Variants in TNR observed in about 807,000 individuals in gnomAD.
TNR encodes tenascin R, also known as tenascin-R.
Under a neutral mutation model 150.4 loss-of-function variants are expected in TNR, and 45 were observed. The ratio of observed to expected loss-of-function variants is 0.30; its 90% CI spans 0.24 to 0.38. The LOEUF is 0.38. Ranked by LOEUF, TNR falls within the 10% of genes least tolerant of loss-of-function variation. The probability of loss-of-function intolerance (pLI) is 1.00; values close to 1 mark genes in which losing one functional copy is unlikely to be tolerated. For synonymous variants in TNR, 687 were observed against 678.4 expected (o/e 1.01, Z -0.20); for missense variants, 1,544 against 1,759.1 (o/e 0.88, Z 2.19).
At chr1:175,387,809 C>A (rs536353898) in intron 7 of TNR, among the ~76,000 whole-genome samples, 131 of 152,326 alleles carry the variant, frequency 8.6e-4, no homozygotes, top group African/African-American at 3.0e-3. Flanking sequence ...TTAGGCTGAC[C>A]TTGAGGCTTT....
intron 5 of TNR, 126 bp from the exon 6 acceptor site, chr1:175,394,021 A>C (rs1557904845): frequency 4.1e-6 from 3 of 728,456 alleles, no homozygotes; most frequent in Admixed American, 4.9e-5. Context: ...GGACAATCCC[A>C]ATCTTGCTCC....
intron 2 of TNR, among the ~76,000 whole-genome samples, chr1:175,523,672 G>A (rs1474725914): frequency 6.6e-6 from 1 of 152,100 alleles, no homozygotes; most frequent in African/African-American, 2.4e-5. Flanking sequence ...TTTGGTTGAG[G>A]TCTGTATCAC....
chr1:175,690,842 G>C (rs1666340012), intron 1 of TNR, among the ~76,000 whole-genome samples: 1 of 152,138 alleles, frequency 6.6e-6, no homozygotes, highest in Non-Finnish European at 1.5e-5. Flanking sequence ...TGAAGGAGGA[G>C]AGAAGATTGA....
At chr1:175,711,943 T>C (rs1259452914) in intron 1 of TNR, among the ~76,000 whole-genome samples, 1 of 152,206 alleles carries the variant, frequency 6.6e-6, no homozygotes, top group East Asian at 1.9e-4. Flanking sequence ...GAAAATGCTG[T>C]GTGGCCAGTT....
chr1:175,636,991 C>T (rs1441143534), intron 1 of TNR, among the ~76,000 whole-genome samples: 1 of 152,220 alleles, frequency 6.6e-6, no homozygotes, highest in African/African-American at 2.4e-5. Context: ...ATGGATCTTA[C>T]AGATTTGATT....
rs371035988 is a variant in TNR at position 175,403,416 on chromosome 1, G to A, written c.700C>T (p.Arg234Trp). 243 of 1,614,076 alleles carry A rather than the reference G, an allele frequency of 1.5e-4. No homozygotes were observed. The highest frequency in any genetic ancestry group is 1.9e-4 in the Non-Finnish European group (228 of 1,180,048). Residue 234 changes from arginine to tryptophan, a missense_variant, in exon 4 of 23, where the codon CGG becomes TGG. By Grantham distance (101) the Arg-to-Trp change is moderately radical. Transcript: ENST00000367674. ...EYSGDDCSEL[R>W]CPTDCSSRGL... is the part of the protein sequence containing the mutation. ...CGGGAGCTGCAGTCTGTTGGGCACC[G>A]GAGTTCGGAACAGTCATCCCCGCTG... is the stretch of plus-strand genomic sequence containing the variant.
At chr1:175,583,532 C>A (rs1443211641) in intron 1 of TNR, among the ~76,000 whole-genome samples, 2 of 152,178 alleles carry the variant, frequency 1.3e-5, no homozygotes, top group East Asian at 3.8e-4. Context: ...CAGTGACTAA[C>A]AGGGGGCTAG....
chr1:175,630,624 GT>G (rs755949722), intron 1 of TNR, among the ~76,000 whole-genome samples: 120 of 152,118 alleles, frequency 7.9e-4, no homozygotes, highest in Non-Finnish European at 1.2e-3. Flanking sequence ...AGATAGGAGG[GT>G]TTTGGCCTCT....
intron 1 of TNR, among the ~76,000 whole-genome samples, chr1:175,679,328 G>C (rs10798413): frequency 0.44 from 67,369 of 152,024 alleles, 15,383 homozygotes; most frequent in East Asian, 0.66. Flanking sequence ...GCACCAGTGA[G>C]AGATGTCCAA....
At chr1:175,503,911 C>A (rs1039032082) in intron 2 of TNR, among the ~76,000 whole-genome samples, 1 of 152,120 alleles carries the variant, frequency 6.6e-6, no homozygotes, top group Admixed American at 6.5e-5. Context: ...CAAATTGTGC[C>A]CGCATGGAAT....
chr1:175,426,537 T>G (rs1654975105), intron 2 of TNR, among the ~76,000 whole-genome samples: 1 of 152,052 alleles, frequency 6.6e-6, no homozygotes, highest in African/African-American at 2.4e-5. Context: ...AAGACTGACC[T>G]GATGCATCTC....
chr1:175,475,881 C>T (rs970495947), intron 2 of TNR, among the ~76,000 whole-genome samples: 1 of 152,194 alleles, frequency 6.6e-6, no homozygotes, highest in Admixed American at 6.5e-5. Context: ...CTAAAACTGG[C>T]ATTTCTTCCA....
Position 175,698,811 on chromosome 1 carries a change from G to T in TNR, c.-165+44415C>A, listed in dbSNP as rs191003746. Among the ~76,000 whole-genome samples, 9 of 150,160 alleles carry T rather than the reference G, an allele frequency of 6.0e-5. No homozygotes were observed. In the East Asian group the frequency reaches 1.7e-3, roughly 29 times the overall value. On this transcript the variant is annotated intron_variant, in intron 1 of 22. Coordinates refer to ENST00000367674, the MANE Select transcript of TNR (RefSeq NM_003285.3). ...GATCACGCCTGGGCAATAAAAGTAA[G>T]ACTCTGTCTCAAAAAAAAAAAGGTG...
intron 1 of TNR, among the ~76,000 whole-genome samples, chr1:175,597,281 G>A (rs144971062): frequency 2.6e-5 from 4 of 152,292 alleles, no homozygotes; most frequent in African/African-American, 9.6e-5. Flanking sequence ...CACAGGGCTG[G>A]AAATAGAGCA....
intron 2 of TNR, among the ~76,000 whole-genome samples, chr1:175,435,882 C>A (rs920345623): frequency 6.6e-6 from 1 of 152,130 alleles, no homozygotes; most frequent in Non-Finnish European, 1.5e-5. Flanking sequence ...GATTTTATTT[C>A]TCCTTCACTT....
chr1:175,624,854 C>G (rs572553993), intron 1 of TNR, among the ~76,000 whole-genome samples: 7 of 152,084 alleles, frequency 4.6e-5, no homozygotes, highest in Non-Finnish European at 1.0e-4. Flanking sequence ...CAAAGACAAT[C>G]GTATTCTATT....
chr1:175,383,745 A>G (rs1015769034), intron 8 of TNR, among the ~76,000 whole-genome samples: 1 of 152,224 alleles, frequency 6.6e-6, no homozygotes, highest in Non-Finnish European at 1.5e-5. Flanking sequence ...GGGCCTCATC[A>G]TGAGGGTCTG....
At chr1:175,423,703 A>G (rs999801552) in intron 2 of TNR, among the ~76,000 whole-genome samples, 2 of 152,214 alleles carry the variant, frequency 1.3e-5, no homozygotes, top group Non-Finnish European at 2.9e-5. Context: ...TTCAGAGGCA[A>G]GCATCACAGT....
At chr1:175,735,138 A>T (rs1045937869) in intron 1 of TNR, among the ~76,000 whole-genome samples, 3 of 152,120 alleles carry the variant, frequency 2.0e-5, no homozygotes, top group Non-Finnish European at 4.4e-5. Flanking sequence ...TTTTCAACAC[A>T]GCCATTTGCA....
Sources: gnomAD v4.1 joint callset for allele counts (sites outside exome capture counted in the v4.1 genomes callset) on GRCh38, gnomAD v4.1.1 for gene constraint, MANE v1.5 for transcripts, NCBI Gene and HGNC (gene_info 2026-07-23, HGNC 2026-07-21) for gene names.